Variants in TRNAU1AP observed in about 807,000 individuals in gnomAD.
The protein encoded by TRNAU1AP is tRNA selenocysteine 1 associated protein 1.
Under a neutral mutation model 43.3 loss-of-function variants are expected in TRNAU1AP, and 33 were observed. The observed-to-expected ratio is 0.76, with a 90% CI of 0.58 to 1.02. The LOEUF is 1.02. Among genes scored for constraint, TRNAU1AP ranks in the 50% least tolerant of loss-of-function variants. TRNAU1AP has a pLI of 0.00. For synonymous variants in TRNAU1AP, 143 were observed against 129.1 expected (o/e 1.11, Z -0.73); for missense variants, 290 against 362.7 (o/e 0.80, Z 1.63).
chr1:28,563,913 ACCT>A (rs1665477451), intron 4 of TRNAU1AP, among the ~76,000 whole-genome samples: 1 of 151,978 alleles, frequency 6.6e-6, no homozygotes, highest in South Asian at 2.1e-4. Context: ...AATAGAATTG[ACCT>A]CCTATAATAG....
chr1:28,553,766 A>G, intron 2 of TRNAU1AP, 29 bp downstream of exon 2: 2 of 1,583,690 alleles, frequency 1.3e-6, no homozygotes, highest in East Asian at 2.2e-5. Flanking sequence ...CTCTCTTAAT[A>G]CATCTCGTTG....
chr1:28,554,916 G>A (rs1665225183), intron 2 of TRNAU1AP, among the ~76,000 whole-genome samples: 1 of 151,582 alleles, frequency 6.6e-6, no homozygotes, highest in Non-Finnish European at 1.5e-5. Flanking sequence ...AAGCTCATGA[G>A]GGCCCTTAAC....
chr1:28,569,429 T>C (rs998986179), intron 6 of TRNAU1AP, among the ~76,000 whole-genome samples: 15 of 151,470 alleles, frequency 9.9e-5, no homozygotes, highest in African/African-American at 2.2e-4. Context: ...TGGTGGCTCA[T>C]GCCTGTAATC....
At chr1:28,557,693 A>G (rs972159727) in intron 2 of TRNAU1AP, among the ~76,000 whole-genome samples, 2 of 151,646 alleles carry the variant, frequency 1.3e-5, no homozygotes, top group Non-Finnish European at 2.9e-5. Context: ...GGTTCAAGCC[A>G]TTCTCCTGCC....
At chr1:28,554,624 C>T (rs534395950) in intron 2 of TRNAU1AP, among the ~76,000 whole-genome samples, 1 of 151,818 alleles carries the variant, frequency 6.6e-6, no homozygotes. Flanking sequence ...GGCCGGATCA[C>T]GAGGTCAGGA....
chr1:28,572,206 T>C (rs1259001744), intron 8 of TRNAU1AP, among the ~76,000 whole-genome samples: 1 of 151,998 alleles, frequency 6.6e-6, no homozygotes, highest in Non-Finnish European at 1.5e-5. Flanking sequence ...TTTTTGTGTG[T>C]GTGTGTGGTG....
At chr1:28,570,388 C>T (rs1391085009) in intron 6 of TRNAU1AP, among the ~76,000 whole-genome samples, 7 of 151,982 alleles carry the variant, frequency 4.6e-5, no homozygotes, top group Admixed American at 6.6e-5. Context: ...GCTGGGATTG[C>T]GGGCGCGCCA....
At chr1:28,567,718 C>T (rs1199793452) in intron 6 of TRNAU1AP, among the ~76,000 whole-genome samples, 1 of 152,088 alleles carries the variant, frequency 6.6e-6, no homozygotes, top group African/African-American at 2.4e-5. Context: ...TGTTCTTTGC[C>T]CAGTAGTCCC....
intron 8 of TRNAU1AP, among the ~76,000 whole-genome samples, chr1:28,575,949 C>T (rs1357082736): frequency 1.3e-5 from 2 of 151,074 alleles, no homozygotes; most frequent in Non-Finnish European, 2.9e-5. Context: ...CAACCTCTGC[C>T]TCCCGGGTTC....
chr1:28,561,072 A>G (rs967506855), intron 3 of TRNAU1AP: 139 of 1,362,840 alleles, frequency 1.0e-4, no homozygotes, highest in Non-Finnish European at 1.2e-4. Flanking sequence ...GGCAGCAGCA[A>G]GGACACATTT....
intron 8 of TRNAU1AP, among the ~76,000 whole-genome samples, chr1:28,572,556 AT>A (rs1665684458): frequency 6.6e-6 from 1 of 151,032 alleles, no homozygotes; most frequent in Admixed American, 6.6e-5. Context: ...TATTTATTTT[AT>A]TTTTTTTCTG....
intron 1 of TRNAU1AP, 73 bp downstream of exon 1, chr1:28,553,210 G>C (rs560140247): frequency 1.4e-6 from 2 of 1,403,782 alleles, no homozygotes; most frequent in Admixed American, 3.0e-5. Flanking sequence ...AAGGATCTGA[G>C]TGGGAGGGGA....
At chr1:28,567,265 G>T in intron 5 of TRNAU1AP, 29 bp from the exon 6 acceptor site, 1 of 1,608,918 alleles carries the variant, frequency 6.2e-7, no homozygotes, top group Non-Finnish European at 8.5e-7. Flanking sequence ...TCACATTTGT[G>T]ATCTAAATTG....
chr1:28,564,218 A>G (rs1474410057), intron 4 of TRNAU1AP, among the ~76,000 whole-genome samples: 1 of 152,176 alleles, frequency 6.6e-6, no homozygotes, highest in Non-Finnish European at 1.5e-5. Context: ...GTGACCCCAG[A>G]TCACACCACT....
rs1665385791 is a variant in TRNAU1AP, at chr1:28,560,663, T to C, written c.156T>C (p.Phe52=). 1 of 1,614,186 alleles carries C rather than the reference T, an allele frequency of 6.2e-7. No homozygotes were observed. The highest frequency in any genetic ancestry group is 1.3e-5 in the African/African-American group (1 of 75,050). Residue 52 remains phenylalanine (F), a synonymous_variant, in exon 3 of 9, where the codon TTT becomes TTC. Transcript: ENST00000373830. ...CAGCTGGCTACTGCTTTGTAGAATT[T>C]GCAGATTTGGCCACAGCTGAGAAGT... ...GIPAGYCFVE[F]ADLATAEKCL...
At chr1:28,563,807 A>T (rs1665473998) in intron 4 of TRNAU1AP, among the ~76,000 whole-genome samples, 1 of 152,078 alleles carries the variant, frequency 6.6e-6, no homozygotes, top group Non-Finnish European at 1.5e-5. Flanking sequence ...AGCCGAGATC[A>T]CGCCACTGCA....
chr1:28,562,204 C>G (rs1448261828), intron 4 of TRNAU1AP, among the ~76,000 whole-genome samples: 2 of 152,144 alleles, frequency 1.3e-5, no homozygotes, highest in Non-Finnish European at 2.9e-5. Context: ...ATGCATTAAC[C>G]CTATAATTCT....
chr1:28,577,703 GA>G lies in TRNAU1AP; in HGVS notation c.*70del. 6.7e-7 allele frequency: 1 copy of G among 1,502,148 alleles called. No individual in the cohort carries two copies. The highest frequency in any genetic ancestry group is 9.0e-7 in the Non-Finnish European group (1 of 1,113,282). 93.1% of individuals were successfully genotyped at this position (1,502,148 alleles called of 1,614,324 possible). On this transcript the variant is annotated 3_prime_UTR_variant, in exon 9 of 9. Coordinates refer to ENST00000373830, the MANE Select transcript of TRNAU1AP (RefSeq NM_017846.5). ...TGAGAGACTCCTTTTTAAAAATTGT[GA>G]AACCTTTTTGGAAATATGATTTGTA...
intron 2 of TRNAU1AP, among the ~76,000 whole-genome samples, chr1:28,554,228 C>G (rs1471043987): frequency 7.1e-6 from 1 of 140,424 alleles, no homozygotes; most frequent in African/African-American, 3.0e-5. Context: ...AAACAAAAAA[C>G]GCAGGACTCA....
Sources: allele counts gnomAD v4.1 joint callset (sites outside exome capture counted in the v4.1 genomes callset), GRCh38; gene constraint gnomAD v4.1.1; transcripts MANE v1.5; gene names NCBI Gene and HGNC (gene_info 2026-07-23, HGNC 2026-07-21).